The following CECR2 variants were observed in gnomAD, a reference collection of about 807,000 sequenced individuals.
CECR2 encodes chromatin remodeling regulator CECR2.
CECR2 carries 30 observed loss-of-function variants against 154.5 expected under a neutral mutation model. The ratio of observed to expected loss-of-function variants is 0.19; its 90% confidence interval spans 0.15 to 0.26. CECR2 has a LOEUF of 0.26. Among genes scored for constraint, CECR2 ranks in the 10% least tolerant of loss-of-function variants. The probability of loss-of-function intolerance (pLI) is 1.00; values close to 1 mark genes in which losing one functional copy is unlikely to be tolerated. For synonymous variants in CECR2, 725 were observed against 683.7 expected (o/e 1.06, Z -0.94); for missense variants, 1,743 against 1,829.3 (o/e 0.95, Z 0.86).
In CECR2 at chr22:17,537,011, C is replaced by T. The variant is rs957532515; in HGVS notation, c.1109-92C>T. 19 of 1,473,424 alleles carry T rather than the reference C, an allele frequency of 1.3e-5. No homozygotes were observed. In the African/African-American group the frequency reaches 2.7e-4, roughly 21 times the overall value. 91.3% of individuals were successfully genotyped at this position (1,473,424 alleles called of 1,614,324 possible). On this transcript the variant is annotated intron_variant, in intron 9 of 18. Coordinates refer to ENST00000262608, the MANE Select transcript of CECR2 (RefSeq NM_001290047.2). ...TTGCTTCATAATCCTGCTTTGGTGGCCTGGTTCTTCCTTCTCTCACAGTGA... is the reference window on the plus strand; with the variant it reads ...TTGCTTCATAATCCTGCTTTGGTGGTCTGGTTCTTCCTTCTCTCACAGTGA...
intron 17 of CECR2, among the ~76,000 whole-genome samples, chr22:17,550,770 G>A (rs1469981692): frequency 2.6e-5 from 4 of 151,972 alleles, no homozygotes; most frequent in South Asian, 2.1e-4. Flanking sequence ...GTGAAACCCC[G>A]TCTCTACTAA....
At chr22:17,361,220 G>C (rs1238027888) in intron 1 of CECR2, among the ~76,000 whole-genome samples, 1 of 152,130 alleles carries the variant, frequency 6.6e-6, no homozygotes, top group East Asian at 1.9e-4. Context: ...AGGTGCAGTG[G>C]CTCACGTCTA....
At chr22:17,403,143 A>G (rs907635828) in intron 1 of CECR2, among the ~76,000 whole-genome samples, 16 of 152,190 alleles carry the variant, frequency 1.1e-4, no homozygotes, top group African/African-American at 3.6e-4. Flanking sequence ...GCGTGGACTC[A>G]TTGATACTTA....
intron 2 of CECR2, among the ~76,000 whole-genome samples, chr22:17,485,637 A>G (rs1298940020): frequency 6.6e-6 from 1 of 152,074 alleles, no homozygotes; most frequent in African/African-American, 2.4e-5. Flanking sequence ...AGTGGGGTAC[A>G]GTGGCGCACA....
intron 8 of CECR2, among the ~76,000 whole-genome samples, chr22:17,523,132 G>A (rs13053400): frequency 0.052 from 7,979 of 152,066 alleles, 226 homozygotes; most frequent in Middle Eastern, 0.065. Context: ...CCAGGTTGGA[G>A]TATTACGCCT....
intron 8 of CECR2, among the ~76,000 whole-genome samples, chr22:17,522,112 T>G (rs1398805429): frequency 6.6e-6 from 1 of 152,172 alleles, no homozygotes; most frequent in South Asian, 2.1e-4. Context: ...TTGGTCTATA[T>G]CTCTGTTTTG....
intron 1 of CECR2, among the ~76,000 whole-genome samples, chr22:17,378,995 C>T (rs1019679743): frequency 3.3e-5 from 5 of 151,818 alleles, no homozygotes; most frequent in Admixed American, 6.6e-5. Context: ...TTTTGTGGCC[C>T]ACCCAGGCTG....
intron 1 of CECR2, among the ~76,000 whole-genome samples, chr22:17,404,279 CAA>C (rs375565396): frequency 0.056 from 3,528 of 62,876 alleles, 404 homozygotes; most frequent in African/African-American, 0.2. Flanking sequence ...ACCCCCCTGC[CAA>C]AAAAAAAAAA....
At position 17,542,663 on chromosome 22, in the gene CECR2, G is replaced by T; in HGVS notation, c.2520G>T (p.Met840Ile). 2 of 1,613,990 alleles carry T rather than the reference G, an allele frequency of 1.2e-6. No individual in the cohort carries two copies. Among genetic ancestry groups the T allele is most frequent in the Non-Finnish European group, 1.7e-6 (2 of 1,179,906 alleles). The change falls in exon 16 of 19, where the codon ATG becomes ATT. Residue 840 changes from methionine to isoleucine, a missense_variant. Physicochemically the swap from Met to Ile is conservative, Grantham distance 10 (BLOSUM62 1). Around this residue, in one of 4 missense-constraint regions of CECR2, gnomAD observed 1,250 missense variants for 1,192.1 expected, o/e 1.05. Transcript: ENST00000262608. ...ATGGAGTTCCTTCCTCAGGGTACAT[G>T]CGACCGCCCTGCAAGTCTGCCGGAC... ...LPHGVPSSGYMRPPCKSAGHR... is the reference protein window; with the variant it reads ...LPHGVPSSGYIRPPCKSAGHR...
At chr22:17,528,766 C>G (rs2056306229) in intron 9 of CECR2, among the ~76,000 whole-genome samples, 1 of 152,092 alleles carries the variant, frequency 6.6e-6, no homozygotes, top group Non-Finnish European at 1.5e-5. Flanking sequence ...GAACTCCTGG[C>G]CTCAAGTGAT....
intron 1 of CECR2, among the ~76,000 whole-genome samples, chr22:17,434,303 G>T (rs1251223228): frequency 6.6e-6 from 1 of 152,234 alleles, no homozygotes; most frequent in East Asian, 1.9e-4. Flanking sequence ...GAGAGGTCAT[G>T]CTCTGAGTCC....
chr22:17,369,047 C>T (rs1411008835), upstream of CECR2, among the ~76,000 whole-genome samples: 2 of 152,158 alleles, frequency 1.3e-5, no homozygotes, highest in African/African-American at 2.4e-5. Context: ...CCGGCTCTGC[C>T]CTCGGCATCA....
intron 1 of CECR2, among the ~76,000 whole-genome samples, chr22:17,379,884 C>A (rs1027004629): frequency 1.3e-4 from 20 of 151,978 alleles, no homozygotes; most frequent in Admixed American, 1.1e-3. Flanking sequence ...AAGAAAGATA[C>A]CATAGAACTT....
At chr22:17,414,617 T>C (rs1232533428) in intron 1 of CECR2, among the ~76,000 whole-genome samples, 1 of 152,046 alleles carries the variant, frequency 6.6e-6, no homozygotes, top group Non-Finnish European at 1.5e-5. Flanking sequence ...CTGCACCCAT[T>C]AACTTGTCAT....
At chr22:17,365,860 T>TAA (rs397940356), upstream of CECR2, among the ~76,000 whole-genome samples, 24 of 133,662 alleles carry the variant, frequency 1.8e-4, no homozygotes, top group African/African-American at 6.0e-4. Context: ...ACCCCCTATG[T>TAA]AAAAAAAAAA....
intron 9 of CECR2, among the ~76,000 whole-genome samples, chr22:17,525,368 A>ACAGTG (rs2056246432): frequency 6.8e-6 from 1 of 148,018 alleles, no homozygotes; most frequent in African/African-American, 2.5e-5. Context: ...ATGGCTGGGC[A>ACAGTG]CAGTGGCTCA....
At chr22:17,375,986 T>C (rs1312860463) in intron 1 of CECR2, among the ~76,000 whole-genome samples, 1 of 151,298 alleles carries the variant, frequency 6.6e-6, no homozygotes, top group Non-Finnish European at 1.5e-5. Flanking sequence ...TAGTCCTTTG[T>C]CACACTAATC....
chr22:17,429,555 A>AG (rs2054388726), intron 1 of CECR2, among the ~76,000 whole-genome samples: 1 of 151,132 alleles, frequency 6.6e-6, no homozygotes, highest in South Asian at 2.1e-4. Flanking sequence ...CAAAAACAAA[A>AG]ACAAAGAAAA....
chr22:17,548,845 C>A lies in CECR2; in HGVS notation c.3558C>A (p.Tyr1186Ter). The part of the protein sequence containing the change: ...YRPPQGMRYS[Y>*]HPPPQPSYHH... ...CCCCACAAGGAATGAGGTATTCCTA[C>A]CACCCACCGCCACAGCCTTCCTACC... is the stretch of plus-strand genomic sequence containing the variant. The change falls in exon 17 of 19, where the codon TAC becomes TAA. Residue 1186 changes from tyrosine (Y) to a stop codon, truncating the protein, a stop_gained. Transcript: ENST00000262608. LOFTEE classifies it high-confidence loss of function. 1 of 1,613,532 alleles carries A rather than the reference C, an allele frequency of 6.2e-7. No homozygotes were observed. The highest frequency in any genetic ancestry group is 1.1e-5 in the South Asian group (1 of 91,046).
Sources: gnomAD v4.1 joint callset for allele counts (sites outside exome capture counted in the v4.1 genomes callset) on GRCh38, gnomAD v4.1.1 for gene constraint, gnomAD v4.1.1 regional missense constraint, MANE v1.5 for transcripts, NCBI Gene and HGNC (gene_info 2026-07-23, HGNC 2026-07-21) for gene names.